KEL: variants seen among roughly 807,000 people sequenced by gnomAD.
The protein encoded by KEL is Kell metallo-endopeptidase (Kell blood group), also known as kell blood group glycoprotein.
In KEL, 96 loss-of-function variants were observed where a neutral mutation model predicts 99.5. The observed-to-expected ratio is 0.97, with a 90% CI of 0.82 to 1.14. KEL has a LOEUF of 1.14. Among genes scored for constraint, KEL ranks in the 50% most tolerant of loss-of-function variants. KEL has a pLI of 0.00. For missense variants in KEL, 926 were observed against 924.2 expected (o/e 1.00, Z -0.03); for synonymous variants, 355 against 354.8 (o/e 1.00, Z -0.01).
At chr7:142,962,146 T>G (rs1371734100) in intron 1 of KEL, 58 bp downstream of exon 1, 1 of 1,613,920 alleles carries the variant, frequency 6.2e-7, no homozygotes, top group Middle Eastern at 1.6e-4. Context: ...GCAGGACTTT[T>G]GCACACAGCC....
rs746995926 is a variant in KEL, at chr7:142,941,322, G to A, written c.2129C>T (p.Ala710Val). 6.2e-7 allele frequency: 1 copy of A among 1,614,090 alleles called. No individual in the cohort carries two copies. The highest frequency in any genetic ancestry group is 8.5e-7 in the Non-Finnish European group (1 of 1,179,998). ...TGCACAGCGGAAATACCTGGCAAAGGCTGGGGTGCTGCTGAGGGGCCCGTG... is the reference window on the plus strand; with the variant it reads ...TGCACAGCGGAAATACCTGGCAAAGACTGGGGTGCTGCTGAGGGGCCCGTG... Reference protein sequence around the residue: ...RVHGPLSSTPAFARYFRCARG... With the variant: ...RVHGPLSSTPVFARYFRCARG... The change falls in exon 19 of 19, where the codon GCC becomes GTC. Residue 710 changes from alanine to valine, a missense_variant. Transcript: ENST00000355265.
At chr7:142,942,374 C>G in intron 18 of KEL, 60 bp downstream of exon 18, 1 of 1,176,754 alleles carries the variant, frequency 8.5e-7, no homozygotes. Context: ...CCATGAGCTT[C>G]AGTAATAAGG....
At chr7:142,954,579 G>A (rs765264535) in intron 6 of KEL, 52 bp from the exon 7 acceptor site, 2 of 1,525,568 alleles carry the variant, frequency 1.3e-6, no homozygotes, top group Non-Finnish European at 1.8e-6. Context: ...GATGGAGAGG[G>A]CAGGTGTGGG....
At chr7:142,957,719 T>A in intron 6 of KEL, 108 bp downstream of exon 6, 1 of 1,379,394 alleles carries the variant, frequency 7.2e-7, no homozygotes. Flanking sequence ...GTTTCCTATA[T>A]CACACAGGTG....
In KEL at chr7:142,961,347, G is replaced by T. The variant is rs1169745519; in HGVS notation, c.223+13C>A. 1 of 1,612,878 alleles carries T rather than the reference G, an allele frequency of 6.2e-7. No homozygotes were observed. The highest frequency in any genetic ancestry group is 8.5e-7 in the Non-Finnish European group (1 of 1,180,046). ...AGGGCTGACTAGGTTAGGGGGTCTGGGATCTTGCTTACGAGGGCCACAGTT... is the reference window on the plus strand; with the variant it reads ...AGGGCTGACTAGGTTAGGGGGTCTGTGATCTTGCTTACGAGGGCCACAGTT... On this transcript the variant is annotated intron_variant, in intron 3 of 18. Transcript: ENST00000355265.
chr7:142,949,730 G>C (rs1040631821), intron 10 of KEL, among the ~76,000 whole-genome samples: 6 of 151,426 alleles, frequency 4.0e-5, no homozygotes, highest in African/African-American at 1.2e-4. Flanking sequence ...GATCTTAACA[G>C]TAGTCTGGAC....
chr7:142,942,347 G>A (rs890254759), intron 18 of KEL, 87 bp downstream of exon 18: 54 of 871,796 alleles, frequency 6.2e-5, no homozygotes, highest in Non-Finnish European at 1.3e-5. Context: ...TTGACGGAGT[G>A]TCTGAAGAGG....
At chr7:142,942,122 T>C in intron 18 of KEL, 1 of 437,730 alleles carries the variant, frequency 2.3e-6, no homozygotes, top group Non-Finnish European at 4.2e-6. Flanking sequence ...GGCTCATTTT[T>C]AAGGCATCTG....
intron 6 of KEL, among the ~76,000 whole-genome samples, chr7:142,956,910 C>A (rs926311895): frequency 6.6e-6 from 1 of 152,200 alleles, no homozygotes; most frequent in Non-Finnish European, 1.5e-5. Flanking sequence ...ATGCAGATAG[C>A]ATTACATTGT....
rs1399909287 is a variant in KEL, at chr7:142,961,015, TGAA to T, written c.310_312del (p.Phe104del). On this transcript the variant is annotated inframe_deletion, in exon 4 of 19. Coordinates refer to ENST00000355265, the MANE Select transcript of KEL (RefSeq NM_000420.3). ...TCTTTGGCCCTTCCACAGGCAAAGC[TGAA>T]GAAGTCGGTGCAGGGGGCCACACTT... 1.2e-6 allele frequency: 2 copies of T among 1,614,080 alleles called. No individual in the cohort carries two copies. The highest frequency in any genetic ancestry group is 2.7e-5 in the African/African-American group (2 of 74,928).
At chr7:142,955,175 TA>T (rs1195957570) in intron 6 of KEL, among the ~76,000 whole-genome samples, 1 of 152,108 alleles carries the variant, frequency 6.6e-6, no homozygotes, top group Non-Finnish European at 1.5e-5. Flanking sequence ...AACTCTTTTT[TA>T]AAAAAACTCA....
chr7:142,958,111 C>G, intron 5 of KEL, 138 bp from the exon 6 acceptor site: 1 of 1,305,984 alleles, frequency 7.7e-7, no homozygotes, highest in Non-Finnish European at 1.1e-6. Flanking sequence ...CACATCTATC[C>G]TTTTTTATCT....
intron 9 of KEL, among the ~76,000 whole-genome samples, chr7:142,953,030 G>C (rs1017125599): frequency 3.9e-5 from 6 of 152,094 alleles, no homozygotes; most frequent in African/African-American, 1.4e-4. Context: ...CAATGCTCCT[G>C]CCAGGGCTGC....
At chr7:142,953,073 T>A (rs1796729698) in intron 9 of KEL, among the ~76,000 whole-genome samples, 2 of 152,176 alleles carry the variant, frequency 1.3e-5, no homozygotes, top group African/African-American at 4.8e-5. Context: ...CTCACTGCCA[T>A]GTGAATGGGC....
At chr7:142,942,316 G>A in intron 18 of KEL, 118 bp downstream of exon 18, 2 of 723,682 alleles carry the variant, frequency 2.8e-6, no homozygotes, top group Non-Finnish European at 5.0e-6. Context: ...GAGGACATCT[G>A]CAGAAGAGGG....
In KEL at chr7:142,944,701, G is replaced by A. The variant is rs1312144809; in HGVS notation, c.1355C>T (p.Thr452Ile). The change falls in exon 12 of 19, where the codon ACT becomes ATT. Residue 452 changes from threonine (T) to isoleucine (I), a missense_variant. Transcript: ENST00000355265. Reference protein sequence around the residue: ...LFTAIRDALITRLRNLPWMNE... With the variant: ...LFTAIRDALIIRLRNLPWMNE... ...CATCCAGGGAAGGTTTCTGAGGCGA[G>A]TGATGAGGGCATCCCGGATCGCAGT... 6.2e-7 allele frequency: 1 copy of A among 1,614,188 alleles called. No homozygotes were observed. Among genetic ancestry groups the A allele is most frequent in the Admixed American group, 1.7e-5 (1 of 60,022 alleles).
chr7:142,952,548 G>T lies in KEL; in HGVS notation c.1164C>A (p.Leu388=), dbSNP rs1413531265. The T allele has an allele frequency of 6.2e-7, 1 of 1,614,126 alleles. No individual in the cohort carries two copies. The highest frequency in any genetic ancestry group is 8.5e-7 in the Non-Finnish European group (1 of 1,180,032). The change falls in exon 10 of 19, where the codon CTC becomes CTA. Residue 388 remains leucine (L), a synonymous_variant. Coordinates refer to ENST00000355265, the MANE Select transcript of KEL (RefSeq NM_000420.3). The part of the protein sequence containing the change: ...DSQFQEARRK[L]SQKLRELTEQ... ...CTGTCAGTTCCCGCAGTTTCTGGCTGAGCTTTCTGCGTGCCTCCTGGAATT... is the reference window on the plus strand; with the variant it reads ...CTGTCAGTTCCCGCAGTTTCTGGCTTAGCTTTCTGCGTGCCTCCTGGAATT...
At chr7:142,958,755 T>A (rs1796890135) in intron 4 of KEL, among the ~76,000 whole-genome samples, 1 of 152,224 alleles carries the variant, frequency 6.6e-6, no homozygotes, top group South Asian at 2.1e-4. Context: ...CATAGCTAGA[T>A]CTTTTGATTA....
At position 142,954,259 on chromosome 7, in the gene KEL, G is replaced by T; in HGVS notation, c.849C>A (p.Phe283Leu). ...GCTGCTCCAGGGGCCTCAGAAACTG[G>T]AACAGCCGTGAAGTGATGGAGATTG... ...SLSISITSRL[F>L]QFLRPLEQRR... Residue 283 changes from phenylalanine (F) to leucine (L), a missense_variant, in exon 8 of 19, where the codon TTC (phenylalanine) becomes TTA (leucine). Coordinates refer to ENST00000355265, the MANE Select transcript of KEL (RefSeq NM_000420.3). The T allele has an allele frequency of 1.2e-6, 2 of 1,614,070 alleles. No homozygotes were observed. The highest frequency in any genetic ancestry group is 1.7e-6 in the Non-Finnish European group (2 of 1,180,026).
Sources: gnomAD v4.1 joint callset for allele counts (sites outside exome capture counted in the v4.1 genomes callset) on GRCh38, gnomAD v4.1.1 for gene constraint, MANE v1.5 for transcripts, NCBI Gene and HGNC (gene_info 2026-07-23, HGNC 2026-07-21) for gene names.